The following TENM3 variants were observed in gnomAD, a reference collection of about 807,000 sequenced individuals.
TENM3 encodes the protein teneurin-3.
Under a neutral mutation model 255.1 loss-of-function variants are expected in TENM3, and 63 were observed. The observed-to-expected ratio is 0.25, with a 90% CI of 0.20 to 0.30. The LOEUF (loss-of-function observed/expected upper bound fraction) is 0.30. Among genes scored for constraint, TENM3 ranks in the 10% least tolerant of loss-of-function variants. The pLI, the probability that TENM3 is intolerant of heterozygous loss-of-function variation, is 1.00. For missense variants in TENM3, 2,929 were observed against 3,461.1 expected (o/e 0.85, Z 3.86); for synonymous variants, 1,306 against 1,322.3 (o/e 0.99, Z 0.27).
the TENM3 span, among the ~76,000 whole-genome samples, chr4:182,121,582 A>T: frequency 6.6e-6 from 1 of 152,244 alleles, no homozygotes; most frequent in African/African-American, 2.4e-5. Context: ...GTGCATATAA[A>T]AGTTATGTTT....
chr4:182,167,486 C>T (rs556226330), intron 1 of TENM3, among the ~76,000 whole-genome samples: 4 of 151,972 alleles, frequency 2.6e-5, no homozygotes, highest in South Asian at 2.1e-4. Context: ...ATTCAGGAGG[C>T]ATAACAGGAT....
At chr4:182,733,316 A>T (rs959192915) in intron 16 of TENM3, among the ~76,000 whole-genome samples, 1 of 152,244 alleles carries the variant, frequency 6.6e-6, no homozygotes, top group South Asian at 2.1e-4. Flanking sequence ...ATTGGAGACC[A>T]TGGCAAAGAT....
intron 4 of TENM3, among the ~76,000 whole-genome samples, chr4:182,618,103 A>G (rs192784616): frequency 3.9e-5 from 6 of 152,320 alleles, no homozygotes; most frequent in Admixed American, 2.0e-4. Flanking sequence ...TTCTATGAAG[A>G]TAACTGCTTA....
chr4:182,373,459 T>G (rs928787508), intron 3 of TENM3, among the ~76,000 whole-genome samples: 1 of 152,142 alleles, frequency 6.6e-6, no homozygotes, highest in Non-Finnish European at 1.5e-5. Context: ...AAGCTTTTAC[T>G]CGTGGAGGAC....
chr4:182,402,196 C>T (rs1769256623), intron 3 of TENM3, among the ~76,000 whole-genome samples: 1 of 152,164 alleles, frequency 6.6e-6, no homozygotes, highest in Non-Finnish European at 1.5e-5. Flanking sequence ...TCACGTCACT[C>T]ACTTTATTGG....
intron 13 of TENM3, among the ~76,000 whole-genome samples, chr4:182,719,672 A>T (rs1364585832): frequency 6.6e-6 from 1 of 152,152 alleles, no homozygotes; most frequent in Non-Finnish European, 1.5e-5. Flanking sequence ...GTTGAGAAGA[A>T]AGCACAAGTC....
the TENM3 span, among the ~76,000 whole-genome samples, chr4:181,562,864 G>A: frequency 5.3e-5 from 8 of 151,990 alleles, no homozygotes; most frequent in African/African-American, 1.2e-4. Context: ...TAGTATAGGC[G>A]GGGTTTCACC....
At chr4:182,026,032 G>A in the TENM3 span, among the ~76,000 whole-genome samples, 1 of 152,108 alleles carries the variant, frequency 6.6e-6, no homozygotes, top group East Asian at 1.9e-4. Context: ...GTGTCCGTGT[G>A]TTCTCATTGT....
At chr4:182,615,065 A>ATTTT (rs1373831981) in intron 4 of TENM3, among the ~76,000 whole-genome samples, 52 of 119,808 alleles carry the variant, frequency 4.3e-4, no homozygotes, top group South Asian at 8.3e-4. Context: ...ATATATATAT[A>ATTTT]TGTATTTTTT....
chr4:181,475,015 A>C, the TENM3 span, among the ~76,000 whole-genome samples: 1 of 152,196 alleles, frequency 6.6e-6, no homozygotes, highest in African/African-American at 2.4e-5. Flanking sequence ...CATAGTCCTC[A>C]AAAGACAGAA....
the TENM3 span, among the ~76,000 whole-genome samples, chr4:181,799,685 C>T: frequency 1.3e-4 from 20 of 151,846 alleles, no homozygotes; most frequent in African/African-American, 4.1e-4. Context: ...ATTAAGACAC[C>T]GCCAAACACT....
chr4:182,600,824 A>T, intron 3 of TENM3, 100 bp from the exon 4 acceptor site: 9 of 534,820 alleles, frequency 1.7e-5, no homozygotes, highest in Non-Finnish European at 2.2e-5. Flanking sequence ...TTTAATTCTA[A>T]TTCATCTGCA....
chr4:182,189,648 T>C (rs1434987208), intron 1 of TENM3, among the ~76,000 whole-genome samples: 3 of 152,030 alleles, frequency 2.0e-5, no homozygotes, highest in Non-Finnish European at 2.9e-5. Context: ...ATCTCAGAAG[T>C]TGGTGGTCTG....
In TENM3 at chr4:182,526,049, G is replaced by A. The variant is rs555599133; in HGVS notation, c.512-74875G>A. On this transcript the variant is annotated intron_variant, in intron 3 of 27. Transcript: ENST00000511685. ...GGCTGGAGTGCAGTGGTGCGATCTC[G>A]GCTTACTGCAAGCTCTGCCTCGCAG... Among the ~76,000 whole-genome samples, 108 of 152,152 alleles carry A rather than the reference G, an allele frequency of 7.1e-4. 1 individual carries two copies. Among genetic ancestry groups the A allele is most frequent in the African/African-American group, 2.5e-3 (102 of 41,506 alleles).
rs1358927744 is a variant in TENM3, at chr4:182,177,619, T to A, written c.-76+32865T>A. Among the ~76,000 whole-genome samples, 557 of 148,684 alleles carry A rather than the reference T, an allele frequency of 3.7e-3. 1 individual carries two copies. Among genetic ancestry groups the A allele is most frequent in the Non-Finnish European group, 4.8e-3 (323 of 67,428 alleles). On this transcript the variant is annotated intron_variant, in intron 1 of 2. Transcript: ENST00000512480. ...TGGCATACATATATATATATATTTT[T>A]TTTTTTTTTGCTCTACCCTCAAAAC...
intron 24 of TENM3, among the ~76,000 whole-genome samples, chr4:182,787,528 G>T (rs1374891971): frequency 3.3e-5 from 5 of 152,086 alleles, no homozygotes; most frequent in African/African-American, 4.8e-5. Flanking sequence ...GAGGTCAGGA[G>T]TTCGAGACCA....
the TENM3 span, among the ~76,000 whole-genome samples, chr4:182,069,686 A>AACACAC: frequency 3.6e-4 from 54 of 149,552 alleles, no homozygotes; most frequent in African/African-American, 8.4e-4. Flanking sequence ...TAGATGCATA[A>AACACAC]ACACACACAC....
At chr4:181,707,210 C>T in the TENM3 span, among the ~76,000 whole-genome samples, 10 of 152,194 alleles carry the variant, frequency 6.6e-5, no homozygotes, top group South Asian at 6.2e-4. Context: ...AGCAACAGGG[C>T]GCGAAATCTA....
At chr4:181,953,338 C>T in the TENM3 span, among the ~76,000 whole-genome samples, 2 of 152,134 alleles carry the variant, frequency 1.3e-5, no homozygotes, top group Non-Finnish European at 2.9e-5. Context: ...CATACTTCAT[C>T]ACTTCAACAC....
Sources: gnomAD v4.1 joint callset for allele counts (sites outside exome capture counted in the v4.1 genomes callset) on GRCh38, gnomAD v4.1.1 for gene constraint, MANE v1.5 for transcripts, NCBI Gene and HGNC (gene_info 2026-07-23, HGNC 2026-07-21) for gene names.